LHFPL3: variants seen among roughly 807,000 people sequenced by gnomAD.
LHFPL3 encodes LHFPL tetraspan subfamily member 3 protein.
LHFPL3 carries 5 observed loss-of-function variants against 19.3 expected under a neutral mutation model. The ratio of observed to expected loss-of-function variants is 0.26; its 90% CI spans 0.14 to 0.54. The LOEUF is 0.54. Among genes scored for constraint, LHFPL3 ranks in the 20% least tolerant of loss-of-function variants. LHFPL3 has a pLI of 0.94. For missense variants in LHFPL3, 249 were observed against 307.4 expected (o/e 0.81, Z 1.42); for synonymous variants, 133 against 126.2 (o/e 1.05, Z -0.36).
chr7:104,347,749 G>A (rs755151054), intron 1 of LHFPL3, among the ~76,000 whole-genome samples: 2 of 151,858 alleles, frequency 1.3e-5, no homozygotes, highest in East Asian at 1.9e-4. Flanking sequence ...AAAATTAGTC[G>A]GGCGTGGTGG....
chr7:104,401,545 A>G (rs927312512), intron 1 of LHFPL3, among the ~76,000 whole-genome samples: 1 of 152,228 alleles, frequency 6.6e-6, no homozygotes, highest in South Asian at 2.1e-4. Context: ...TAGATAACTT[A>G]GAATTTGAAA....
chr7:104,437,401 C>G (rs1792130667), intron 1 of LHFPL3, among the ~76,000 whole-genome samples: 1 of 152,170 alleles, frequency 6.6e-6, no homozygotes, highest in African/African-American at 2.4e-5. Flanking sequence ...TCCCCCACAT[C>G]TCGATTCTCT....
intron 1 of LHFPL3, among the ~76,000 whole-genome samples, chr7:104,489,720 T>C (rs78502916): frequency 6.6e-6 from 1 of 152,118 alleles, no homozygotes; most frequent in East Asian, 1.9e-4. Context: ...GACAGGGAAC[T>C]GGCCCAGTGA....
At chr7:104,883,912 C>A (rs1320637360) in intron 2 of LHFPL3, among the ~76,000 whole-genome samples, 2 of 152,116 alleles carry the variant, frequency 1.3e-5, no homozygotes, top group Non-Finnish European at 2.9e-5. Context: ...GAAATTCACT[C>A]CTGAGCACAC....
intron 1 of LHFPL3, among the ~76,000 whole-genome samples, chr7:104,329,819 T>A (rs1801535981): frequency 6.6e-6 from 1 of 152,220 alleles, no homozygotes; most frequent in African/African-American, 2.4e-5. Flanking sequence ...TTTCCCCTTG[T>A]AAGAAGAATG....
intron 2 of LHFPL3, among the ~76,000 whole-genome samples, chr7:104,830,272 T>C (rs1790924876): frequency 1.3e-5 from 2 of 151,910 alleles, no homozygotes; most frequent in East Asian, 3.9e-4. Flanking sequence ...TTTCTCCCAT[T>C]TTGTAGGTTG....
intron 1 of LHFPL3, among the ~76,000 whole-genome samples, chr7:104,482,097 G>C (rs1793147897): frequency 6.6e-6 from 1 of 152,148 alleles, no homozygotes; most frequent in Admixed American, 6.5e-5. Context: ...GATTGATACA[G>C]AGGTACAAAA....
Position 104,812,803 on chromosome 7 carries a change from C to CAAAAAAAAAA in LHFPL3, c.682+75911_682+75920dup, listed in dbSNP as rs59809377. ...TGGGTGACAGAGCAAGACTCCATCT[C>CAAAAAAAAAA]AAAAAAAAAAAAAAAAAAAAAAAAA... On this transcript the variant is annotated intron_variant, in intron 2 of 2. Coordinates refer to ENST00000424859, the MANE Select transcript of LHFPL3 (RefSeq NM_199000.3). 8.6e-4 allele frequency among the ~76,000 whole-genome samples: 27 copies of CAAAAAAAAAA among 31,338 alleles called. 2 individuals carry two copies. Among genetic ancestry groups the CAAAAAAAAAA allele is most frequent in the Non-Finnish European group, 1.0e-3 (19 of 18,246 alleles). The allele number at this position is 31,338 out of a possible 152,430, so 20.6% of individuals were successfully genotyped here.
At chr7:104,777,787 G>T (rs1794657451) in intron 2 of LHFPL3, among the ~76,000 whole-genome samples, 1 of 151,390 alleles carries the variant, frequency 6.6e-6, no homozygotes, top group African/African-American at 2.4e-5. Flanking sequence ...CTTTCTGAGT[G>T]ACTCACCTGA....
intron 1 of LHFPL3, among the ~76,000 whole-genome samples, chr7:104,454,216 A>C (rs764052224): frequency 1.3e-5 from 2 of 152,152 alleles, no homozygotes; most frequent in Non-Finnish European, 2.9e-5. Context: ...AGAGCAAAAG[A>C]CTAGAATTGG....
intron 2 of LHFPL3, among the ~76,000 whole-genome samples, chr7:104,837,796 T>A (rs1186027357): frequency 2.0e-5 from 3 of 152,168 alleles, no homozygotes; most frequent in African/African-American, 7.2e-5. Flanking sequence ...CACACAGGAA[T>A]TTAGCTGCCA....
chr7:104,507,828 C>T (rs1299824391), intron 1 of LHFPL3, among the ~76,000 whole-genome samples: 1 of 120,090 alleles, frequency 8.3e-6, no homozygotes, highest in East Asian at 2.4e-4. Context: ...CAAAAGAAGA[C>T]ATTTATGCAG....
chr7:104,570,537 T>G (rs1252677876), intron 1 of LHFPL3, among the ~76,000 whole-genome samples: 1 of 152,234 alleles, frequency 6.6e-6, no homozygotes, highest in African/African-American at 2.4e-5. Context: ...AGCAATTTTC[T>G]TGAACTTCAG....
chr7:104,673,908 T>G (rs193236192), intron 1 of LHFPL3, among the ~76,000 whole-genome samples: 26 of 152,346 alleles, frequency 1.7e-4, no homozygotes, highest in Admixed American at 1.1e-3. Context: ...AATGCTCATC[T>G]GCATAGTTCA....
chr7:104,530,580 G>C (rs1467294428), intron 1 of LHFPL3, among the ~76,000 whole-genome samples: 1 of 152,218 alleles, frequency 6.6e-6, no homozygotes, highest in Non-Finnish European at 1.5e-5. Context: ...AATTTGATTT[G>C]TGAAGCTCAT....
At chr7:104,832,962 A>G (rs532835233) in intron 2 of LHFPL3, among the ~76,000 whole-genome samples, 2 of 97,664 alleles carry the variant, frequency 2.0e-5, no homozygotes, top group Admixed American at 1.5e-4. Context: ...AATAGGATGT[A>G]TATATATATA....
In LHFPL3 at chr7:104,485,630, A is replaced by G. The variant is rs181964482; in HGVS notation, c.445+156406A>G. Among the ~76,000 whole-genome samples, 459 of 152,154 alleles carry G rather than the reference A, an allele frequency of 3.0e-3. 2 individuals are homozygous for G. Among genetic ancestry groups the G allele is most frequent in the African/African-American group, 0.011 (441 of 41,530 alleles). ...ATGATTAGATTTTCTATCATTTTTT[A>G]TTATTATACTTTAAGTTCTAGGGTA... On this transcript the variant is annotated intron_variant, in intron 1 of 2. Coordinates refer to ENST00000424859, the MANE Select transcript of LHFPL3 (RefSeq NM_199000.3).
At chr7:104,344,968 T>A (rs185109027) in intron 1 of LHFPL3, among the ~76,000 whole-genome samples, 4 of 152,260 alleles carry the variant, frequency 2.6e-5, no homozygotes, top group African/African-American at 9.6e-5. Flanking sequence ...GAGAAAAAAA[T>A]TTGTGTATGA....
intron 2 of LHFPL3, among the ~76,000 whole-genome samples, chr7:104,843,829 G>A (rs1791260208): frequency 6.6e-6 from 1 of 152,162 alleles, no homozygotes; most frequent in Admixed American, 6.5e-5. Flanking sequence ...GTGTCCAGAA[G>A]GAGAGGACAA....
Sources: gnomAD v4.1 joint callset for allele counts (sites outside exome capture counted in the v4.1 genomes callset) on GRCh38, gnomAD v4.1.1 for gene constraint, MANE v1.5 for transcripts, NCBI Gene and HGNC (gene_info 2026-07-23, HGNC 2026-07-21) for gene names.